NXNL2: variants seen among roughly 807,000 people sequenced by gnomAD.
The protein encoded by NXNL2 is nucleoredoxin like 2, also known as nucleoredoxin-like protein 2.
NXNL2 carries 7 observed loss-of-function variants against 11.1 expected under a neutral mutation model. The observed-to-expected ratio is 0.63, with a 90% CI of 0.36 to 1.18. The LOEUF (loss-of-function observed/expected upper bound fraction) is 1.18. Ranked by LOEUF, NXNL2 falls within the 50% of genes most tolerant of loss-of-function variation. The pLI, the probability that NXNL2 is intolerant of heterozygous loss-of-function variation, is 0.02. For missense variants in NXNL2, 233 were observed against 217.7 expected (o/e 1.07, Z -0.44); for synonymous variants, 109 against 101.8 (o/e 1.07, Z -0.42).
chr9:88,566,941 C>A (rs1830178633), intron 1 of NXNL2, among the ~76,000 whole-genome samples: 1 of 151,632 alleles, frequency 6.6e-6, no homozygotes, highest in Non-Finnish European at 1.5e-5. Context: ...CTAGCTCTAT[C>A]ATTTCTAATC....
chr9:88,578,736 C>T (rs1166773607), downstream of NXNL2, among the ~76,000 whole-genome samples: 1 of 152,244 alleles, frequency 6.6e-6, no homozygotes, highest in Non-Finnish European at 1.5e-5. Flanking sequence ...CTCCTGACTT[C>T]CTTAGGGCAC....
intron 2 of NXNL2, among the ~76,000 whole-genome samples, chr9:88,572,000 C>T (rs1830273667): frequency 6.6e-6 from 1 of 152,160 alleles, no homozygotes; most frequent in Non-Finnish European, 1.5e-5. Context: ...GGTCCCCAAA[C>T]AAATGGAGAA....
chr9:88,572,223 G>A (rs566612717), intron 2 of NXNL2, among the ~76,000 whole-genome samples: 2 of 152,234 alleles, frequency 1.3e-5, no homozygotes, highest in South Asian at 2.1e-4. Context: ...TCATTCACTC[G>A]ATTGTATTAC....
intron 1 of NXNL2, among the ~76,000 whole-genome samples, chr9:88,542,819 T>A (rs1404960916): frequency 1.3e-5 from 2 of 152,158 alleles, no homozygotes; most frequent in Non-Finnish European, 2.9e-5. Flanking sequence ...TTGACCTGGA[T>A]GCCAGAAAGT....
Position 88,544,882 on chromosome 9 carries a change from A to G in NXNL2, c.*335A>G. ...TACAAGTCTCTTCAGGTAAAATAAT[A>G]TATTTATTGATAACATTTTCTGGCG... On this transcript the variant is annotated 3_prime_UTR_variant, in exon 2 of 2. Transcript: ENST00000375854. 1.0e-6 allele frequency: 1 copy of G among 1,000,490 alleles called. No homozygotes were observed. Among genetic ancestry groups the G allele is most frequent in the South Asian group, 4.6e-5 (1 of 21,636 alleles). The allele number at this position is 1,000,490 out of a possible 1,614,324, so 62.0% of individuals were successfully genotyped here.
At chr9:88,582,786 A>T (rs4877452) in intron 1 of NXNL2, among the ~76,000 whole-genome samples, 43,690 of 151,950 alleles carry the variant, frequency 0.29, 9,685 homozygotes, top group East Asian at 0.89. Context: ...CTTGTGCCTT[A>T]GCCTCCTGAG....
At chr9:88,540,687 C>G (rs1447805772) in intron 1 of NXNL2, among the ~76,000 whole-genome samples, 1 of 143,966 alleles carries the variant, frequency 6.9e-6, no homozygotes, top group Non-Finnish European at 1.5e-5. Flanking sequence ...TTTCCTTTCC[C>G]TCCCCAGGTG....
chr9:88,567,984 C>T (rs1022185048), intron 1 of NXNL2, among the ~76,000 whole-genome samples: 5 of 152,180 alleles, frequency 3.3e-5, no homozygotes, highest in East Asian at 1.9e-4. Context: ...AACCTAGGTA[C>T]GTGACTTGCC....
At chr9:88,552,598 G>A (rs947143266) in intron 1 of NXNL2, among the ~76,000 whole-genome samples, 2 of 151,586 alleles carry the variant, frequency 1.3e-5, no homozygotes, top group African/African-American at 4.9e-5. Flanking sequence ...AGCCTCCCGA[G>A]TAGCTGGGAC....
At chr9:88,581,397 A>G (rs769698683) in intron 1 of NXNL2, among the ~76,000 whole-genome samples, 1 of 152,016 alleles carries the variant, frequency 6.6e-6, no homozygotes, top group African/African-American at 2.4e-5. Flanking sequence ...GGAGTTTGGC[A>G]ATAGTGAGCA....
At chr9:88,563,695 T>G (rs1010073722) in intron 1 of NXNL2, among the ~76,000 whole-genome samples, 1 of 152,054 alleles carries the variant, frequency 6.6e-6, no homozygotes, top group African/African-American at 2.4e-5. Context: ...GCTCCCCTAT[T>G]TCTCTGCACC....
intron 1 of NXNL2, among the ~76,000 whole-genome samples, chr9:88,569,731 G>T (rs1830230383): frequency 6.6e-6 from 1 of 151,972 alleles, no homozygotes; most frequent in African/African-American, 2.4e-5. Context: ...TTTCTTCTTT[G>T]ACTTATTAAT....
rs1829575706 is a variant in NXNL2 at position 88,535,234 on chromosome 9, T to G, written c.-201T>G. ...CTGGGGTCTCTGGTGTCTGAGTGTC[T>G]CATTGTCGGCGCGAACACAATTGCT... is the stretch of plus-strand genomic sequence containing the variant. On this transcript the variant is annotated 5_prime_UTR_variant, in exon 1 of 2. Transcript: ENST00000375854. 1 of 567,634 alleles carries G rather than the reference T, an allele frequency of 1.8e-6. No individual in the cohort carries two copies. The highest frequency in any genetic ancestry group is 3.1e-6 in the Non-Finnish European group (1 of 326,758). 35.2% of individuals were successfully genotyped at this position (567,634 alleles called of 1,614,324 possible).
downstream of NXNL2, among the ~76,000 whole-genome samples, chr9:88,549,339 G>T (rs756484184): frequency 4.6e-5 from 7 of 152,136 alleles, no homozygotes; most frequent in Admixed American, 1.3e-4. Context: ...CTCCTGCATT[G>T]AGTTTCTCTT....
intron 1 of NXNL2, among the ~76,000 whole-genome samples, chr9:88,561,430 AATCT>A (rs1317025356): frequency 1.3e-5 from 2 of 150,996 alleles, no homozygotes; most frequent in African/African-American, 4.8e-5. Context: ...TCTATCTATC[AATCT>A]ATCGATCAAT....
At chr9:88,568,039 T>G (rs545571600) in intron 1 of NXNL2, among the ~76,000 whole-genome samples, 1 of 152,320 alleles carries the variant, frequency 6.6e-6, no homozygotes, top group South Asian at 2.1e-4. Flanking sequence ...TCTTACTGTG[T>G]GACCACAGAT....
chr9:88,570,316 C>T (rs1830241875), intron 1 of NXNL2, among the ~76,000 whole-genome samples: 1 of 152,110 alleles, frequency 6.6e-6, no homozygotes, highest in African/African-American at 2.4e-5. Flanking sequence ...TGAGGTTTCA[C>T]CATGTTGGCC....
chr9:88,565,276 TTA>T lies in NXNL2; in HGVS notation c.303-5809_303-5808del, dbSNP rs142223335. Among the ~76,000 whole-genome samples the T allele has an allele frequency of 3.8e-3, 582 of 152,354 alleles. 6 individuals are homozygous for T. Among genetic ancestry groups the T allele is most frequent in the African/African-American group, 0.013 (552 of 41,584 alleles). On this transcript the variant is annotated intron_variant, in intron 1 of 2. Coordinates refer to the NXNL2 transcript ENST00000375855. The stretch of plus-strand genomic sequence containing the variant: ...ATTCATCTGTCGATGGACATGATGG[TTA>T]TGTTTCCATCTTGGCTATTGTGAAT...
At chr9:88,541,465 C>T (rs1829760178) in intron 1 of NXNL2, among the ~76,000 whole-genome samples, 1 of 152,100 alleles carries the variant, frequency 6.6e-6, no homozygotes, top group South Asian at 2.1e-4. Context: ...CTTGTCATGT[C>T]ACCCAGGGAT....
Sources: gnomAD v4.1 joint callset for allele counts (sites outside exome capture counted in the v4.1 genomes callset) on GRCh38, gnomAD v4.1.1 for gene constraint, MANE v1.5 for transcripts, NCBI Gene and HGNC (gene_info 2026-07-23, HGNC 2026-07-21) for gene names.